Variants in TIMELESS observed in about 807,000 individuals in gnomAD.
The protein encoded by TIMELESS is timeless circadian regulator, also known as protein timeless homolog.
TIMELESS carries 124 observed loss-of-function variants against 164.3 expected under a neutral mutation model. The ratio of observed to expected loss-of-function variants is 0.75; its 90% CI spans 0.65 to 0.88. The LOEUF (loss-of-function observed/expected upper bound fraction) is 0.88. TIMELESS is among the 40% of genes least tolerant of loss of function. The pLI is 0.00. For synonymous variants in TIMELESS, 564 were observed against 563.4 expected (o/e 1.00, Z -0.02); for missense variants, 1,422 against 1,491.4 (o/e 0.95, Z 0.77).
At chr12:56,434,680 T>C (rs1459487221) in intron 1 of TIMELESS, among the ~76,000 whole-genome samples, 3 of 152,172 alleles carry the variant, frequency 2.0e-5, no homozygotes, top group Admixed American at 1.3e-4. Context: ...GAGGTTGTGG[T>C]GAGCCAAGAT....
In TIMELESS at chr12:56,430,180, A is replaced by G; in HGVS notation, c.1011T>C (p.Asn337=). ...ELSIQRRSAL[N]VRLFLRDFCS... The stretch of plus-strand genomic sequence containing the variant: ...AGAAGTCTCTGAGGAAGAGCCTCAC[A>G]TTGAGGGCAGAACGGCGCTGAATGG... The change falls in exon 10 of 29, where the codon AAT becomes AAC. Residue 337 remains asparagine (N), a synonymous_variant. Transcript: ENST00000553532. 1 of 1,613,998 alleles carries G rather than the reference A, an allele frequency of 6.2e-7. No individual in the cohort carries two copies. Among genetic ancestry groups the G allele is most frequent in the Non-Finnish European group, 8.5e-7 (1 of 1,180,004 alleles).
intron 11 of TIMELESS, 77 bp from the exon 12 acceptor site, chr12:56,428,729 G>GA (rs35297420): frequency 0.017 from 18,538 of 1,092,010 alleles, no homozygotes; most frequent in Non-Finnish European, 0.02. Flanking sequence ...TTCCCACAGC[G>GA]AAAAAAAAAA....
rs1364606771 is a variant in TIMELESS, at chr12:56,430,301, G to A, written c.910-20C>T. On this transcript the variant is annotated intron_variant, in intron 9 of 28. Transcript: ENST00000553532. The stretch of plus-strand genomic sequence containing the variant: ...TCGTAGCTGGGTGTGTCGGTTGGGG[G>A]ATTAGAATTACTCCTAAATACCACT... 1.2e-6 allele frequency: 2 copies of A among 1,604,320 alleles called. No individual in the cohort carries two copies. Among genetic ancestry groups the A allele is most frequent in the Non-Finnish European group, 1.7e-6 (2 of 1,175,018 alleles).
chr12:56,442,400 A>C (rs1181867732), intron 1 of TIMELESS, among the ~76,000 whole-genome samples: 1 of 152,132 alleles, frequency 6.6e-6, no homozygotes, highest in Non-Finnish European at 1.5e-5. Context: ...ATGGAAAAGC[A>C]GCTGGAACCA....
intron 1 of TIMELESS, among the ~76,000 whole-genome samples, chr12:56,436,586 G>A (rs904205313): frequency 1.3e-5 from 2 of 152,186 alleles, no homozygotes; most frequent in Non-Finnish European, 2.9e-5. Flanking sequence ...CAAGTTATGA[G>A]AGCAAGCCAT....
intron 26 of TIMELESS, among the ~76,000 whole-genome samples, chr12:56,419,191 C>T (rs1450408703): frequency 6.6e-6 from 1 of 151,690 alleles, no homozygotes; most frequent in Non-Finnish European, 1.5e-5. Flanking sequence ...AGGGTTTTGC[C>T]ATGTTGGCCA....
Position 56,429,092 on chromosome 12 carries a change from C to G in TIMELESS, c.1095G>C (p.Leu365=). 1 of 1,613,022 alleles carries G rather than the reference C, an allele frequency of 6.2e-7. No individual in the cohort carries two copies. Among genetic ancestry groups the G allele is most frequent in the East Asian group, 2.2e-5 (1 of 44,880 alleles). ...CATGCTGCTGAGCTTTCTCCCGAAG[C>G]AGGTGATCCTGACATTTAAAAAAGA... ...NRLMGSVKDH[L]LREKAQQHDE... is the part of the protein sequence containing the mutation. The change falls in exon 11 of 29, where the codon CTG becomes CTC. Residue 365 remains leucine (L), a synonymous_variant. Transcript: ENST00000553532.
At chr12:56,421,843 C>T (rs1881502466) in intron 21 of TIMELESS, 34 bp from the exon 22 acceptor site, 1 of 1,613,508 alleles carries the variant, frequency 6.2e-7, no homozygotes, top group Non-Finnish European at 8.5e-7. Flanking sequence ...AGAGGAAGCC[C>T]AGGAAGTGAT....
chr12:56,419,622 G>A (rs943027601), intron 26 of TIMELESS, among the ~76,000 whole-genome samples: 1 of 152,004 alleles, frequency 6.6e-6, no homozygotes, highest in Non-Finnish European at 1.5e-5. Context: ...GGCTGCAAAG[G>A]TTGGCCAAGG....
chr12:56,424,690 A>G, intron 15 of TIMELESS, 72 bp downstream of exon 15: 2 of 1,535,156 alleles, frequency 1.3e-6, no homozygotes, highest in Non-Finnish European at 1.8e-6. Flanking sequence ...TTGAAGACTG[A>G]GAACACTGTA....
At chr12:56,420,379 A>G (rs1234860458) in intron 26 of TIMELESS, among the ~76,000 whole-genome samples, 190 bp downstream of exon 26, 1 of 151,904 alleles carries the variant, frequency 6.6e-6, no homozygotes, top group Non-Finnish European at 1.5e-5. Context: ...GGAAGGGGAG[A>G]TTAGAGAGAG....
In TIMELESS at chr12:56,423,896, T is replaced by G. The variant is rs1379846383; in HGVS notation, c.1869-2A>C. On this transcript the variant is annotated splice_acceptor_variant, in intron 15 of 28. Coordinates refer to ENST00000553532, the MANE Select transcript of TIMELESS (RefSeq NM_003920.5). LOFTEE classifies it high-confidence loss of function. ...ACATCTCCTTCAGGCCACACCTCCCTGGAGCACAGATAGAAAAAAGGCTTT... is the reference window on the plus strand; with the variant it reads ...ACATCTCCTTCAGGCCACACCTCCCGGGAGCACAGATAGAAAAAAGGCTTT... The G allele has an allele frequency of 3.7e-6, 6 of 1,613,784 alleles. No individual in the cohort carries two copies. Among genetic ancestry groups the G allele is most frequent in the Non-Finnish European group, 5.1e-6 (6 of 1,179,784 alleles).
chr12:56,432,340 G>C (rs1386970920), intron 7 of TIMELESS, 29 bp downstream of exon 7: 5 of 1,597,064 alleles, frequency 3.1e-6, no homozygotes, highest in Admixed American at 1.7e-5. Context: ...ATGGGCGGAG[G>C]GGACTCGGGC....
Position 56,418,054 on chromosome 12 carries a change from A to G in TIMELESS, c.3455-46T>C, listed in dbSNP as rs374099077. 5 of 1,613,546 alleles carry G rather than the reference A, an allele frequency of 3.1e-6. No homozygotes were observed. The African/African-American group carries it at 4.0e-5, about 13-fold the overall frequency. On this transcript the variant is annotated intron_variant, in intron 27 of 28. Coordinates refer to ENST00000553532, the MANE Select transcript of TIMELESS (RefSeq NM_003920.5). Reference sequence around the variant, plus strand: ...ACAAAATTAGGAACTCGGTCCTCATATTCTCAGAACACCTTTCCTGCCCTC... The same window carrying G: ...ACAAAATTAGGAACTCGGTCCTCATGTTCTCAGAACACCTTTCCTGCCCTC...
chr12:56,448,402 T>C (rs959591728), intron 1 of TIMELESS, among the ~76,000 whole-genome samples: 5 of 144,014 alleles, frequency 3.5e-5, no homozygotes, highest in South Asian at 4.3e-4. Flanking sequence ...CCAGACTCCA[T>C]CTCAAAAACA....
At chr12:56,444,626 A>G (rs1868323884) in intron 1 of TIMELESS, among the ~76,000 whole-genome samples, 1 of 151,812 alleles carries the variant, frequency 6.6e-6, no homozygotes, top group Non-Finnish European at 1.5e-5. Context: ...GGCTCACTGC[A>G]GCCTCAAGCC....
chr12:56,431,650 T>C (rs1881888740), intron 7 of TIMELESS, 46 bp from the exon 8 acceptor site: 4 of 1,592,876 alleles, frequency 2.5e-6, no homozygotes, highest in Non-Finnish European at 2.6e-6. Context: ...AGTCATTCCT[T>C]ATCCTGAGTT....
rs1881956959 is a variant in TIMELESS, at chr12:56,433,328, A to G, written c.429+53T>C. 2.5e-6 allele frequency: 4 copies of G among 1,595,046 alleles called. No individual in the cohort carries two copies. The East Asian group carries it at 8.9e-5, about 36-fold the overall frequency. ...TCTCAGCATCTCCTCCTCTGCCCGG[A>G]GAAGGTGCAAAATGCTGTCCCATGG... On this transcript the variant is annotated intron_variant, in intron 5 of 28. Coordinates refer to ENST00000553532, the MANE Select transcript of TIMELESS (RefSeq NM_003920.5).
intron 1 of TIMELESS, among the ~76,000 whole-genome samples, chr12:56,438,729 T>C (rs1882151582): frequency 7.9e-6 from 1 of 126,420 alleles, no homozygotes; most frequent in Non-Finnish European, 1.6e-5. Context: ...AATGGGCTGA[T>C]ATTGCGCCAC....
Sources: allele counts gnomAD v4.1 joint callset (sites outside exome capture counted in the v4.1 genomes callset), GRCh38; gene constraint gnomAD v4.1.1; transcripts MANE v1.5; gene names NCBI Gene and HGNC (gene_info 2026-07-23, HGNC 2026-07-21).